TXNDC12: variants seen among roughly 807,000 people sequenced by gnomAD.
The protein encoded by TXNDC12 is thioredoxin domain containing 12, also known as thioredoxin domain-containing protein 12.
In TXNDC12, 22 loss-of-function variants were observed where a neutral mutation model predicts 24.2. The ratio of observed to expected loss-of-function variants is 0.91; its 90% CI spans 0.65 to 1.30. The LOEUF is 1.30. Among genes scored for constraint, TXNDC12 ranks in the 50% most tolerant of loss-of-function variants. The pLI is 0.00. For synonymous variants in TXNDC12, 58 were observed against 73.4 expected, an observed-to-expected ratio of 0.79 and a Z score of 1.07; for missense variants, 184 against 205.8, an observed-to-expected ratio of 0.89 and a Z score of 0.65.
rs74080700 is a variant in TXNDC12, at chr1:52,052,549, C to T, written c.97+2451G>A. Reference sequence around the variant, plus strand: ...GTGAGGAAACCCATAGGAGCCCATGCGGAAAGATCACATGGAGAGGTAACC... The same window carrying T: ...GTGAGGAAACCCATAGGAGCCCATGTGGAAAGATCACATGGAGAGGTAACC... On this transcript the variant is annotated intron_variant, in intron 1 of 6. Transcript: ENST00000371626. 1.2e-3 allele frequency: 209 copies of T among 169,312 alleles called. 1 individual carries two copies. The highest frequency in any genetic ancestry group is 4.1e-3 in the African/African-American group (171 of 41,638). The allele number at this position is 169,312 out of a possible 1,614,324, so 10.5% of individuals were successfully genotyped here. A position where few individuals can be genotyped will look rare whatever the true frequency, so the allele number is the denominator to read the frequency against.
At chr1:52,045,369 A>G (rs1226883294) in intron 1 of TXNDC12, among the ~76,000 whole-genome samples, 1 of 152,164 alleles carries the variant, frequency 6.6e-6, no homozygotes, top group Admixed American at 6.6e-5. Context: ...ACCCCACTCC[A>G]AAGTTCATAT....
intron 6 of TXNDC12, 37 bp downstream of exon 6, chr1:52,023,454 C>T (rs2124357176): frequency 1.9e-6 from 3 of 1,538,852 alleles, no homozygotes; most frequent in East Asian, 4.5e-5. Flanking sequence ...CTAGTTCAAT[C>T]TAGCAATAAT....
rs1685572536 is a variant in TXNDC12, at chr1:52,020,261, C to A, written c.*672G>T. 6.1e-6 allele frequency: 2 copies of A among 328,854 alleles called. No homozygotes were observed. The highest frequency in any genetic ancestry group is 4.2e-5 in the South Asian group (1 of 24,060). The allele number at this position is 328,854 out of a possible 1,614,324, so 20.4% of individuals were successfully genotyped here. A position where few individuals can be genotyped will look rare whatever the true frequency, so the allele number is the denominator to read the frequency against. ...CTAGGGCTTGAAGGTTTGAGTTTCT[C>A]CAACAGTAACAAGGGAAAGCATGCT... On this transcript the variant is annotated 3_prime_UTR_variant, in exon 7 of 7. Transcript: ENST00000371626.
chr1:52,029,031 A>C (rs374865985), intron 2 of TXNDC12, among the ~76,000 whole-genome samples: 10 of 152,200 alleles, frequency 6.6e-5, no homozygotes, highest in African/African-American at 2.4e-4. Context: ...GGGTGGCTGA[A>C]ATATGAGAAT....
At chr1:52,041,063 T>C (rs1490703653) in intron 2 of TXNDC12, among the ~76,000 whole-genome samples, 1 of 150,826 alleles carries the variant, frequency 6.6e-6, no homozygotes, top group Non-Finnish European at 1.5e-5. Flanking sequence ...CCGGGCGCGG[T>C]GGCTCACGCC....
At chr1:52,025,287 CG>C (rs1284614984) in intron 4 of TXNDC12, among the ~76,000 whole-genome samples, 1 of 151,492 alleles carries the variant, frequency 6.6e-6, no homozygotes, top group Non-Finnish European at 1.5e-5. Flanking sequence ...TGTGCGATCT[CG>C]GCCCACTGCA....
chr1:52,032,306 T>C (rs1351922947), intron 2 of TXNDC12: 1 of 1,006,436 alleles, frequency 9.9e-7, no homozygotes, highest in Non-Finnish European at 1.2e-6. Context: ...TGTAGAACTG[T>C]ACCATCTTCA....
In TXNDC12 at chr1:52,020,270, A is replaced by G; in HGVS notation, c.*663T>C. 2.9e-6 allele frequency: 1 copy of G among 348,998 alleles called. No individual in the cohort carries two copies. The highest frequency in any genetic ancestry group is 5.6e-6 in the Non-Finnish European group (1 of 177,294). 21.6% of individuals were successfully genotyped at this position (348,998 alleles called of 1,614,324 possible). A position where few individuals can be genotyped will look rare whatever the true frequency, so the allele number is the denominator to read the frequency against. On this transcript the variant is annotated 3_prime_UTR_variant, in exon 7 of 7. Coordinates refer to ENST00000371626, the MANE Select transcript of TXNDC12 (RefSeq NM_015913.4). Reference sequence around the variant, plus strand: ...GAAGGTTTGAGTTTCTCCAACAGTAACAAGGGAAAGCATGCTTCCACCTGG... The same window carrying G: ...GAAGGTTTGAGTTTCTCCAACAGTAGCAAGGGAAAGCATGCTTCCACCTGG...
chr1:52,027,286 C>A lies in TXNDC12; in HGVS notation c.274G>T (p.Val92Leu), dbSNP rs746198432. The change falls in exon 4 of 7, where the codon GTA becomes TTA. Residue 92 changes from valine to leucine, a missense_variant. Coordinates refer to ENST00000371626, the MANE Select transcript of TXNDC12 (RefSeq NM_015913.4). ...TCTCAAAGTCTTACCTCAAGATTTACCATAACAAAATTATGGGAGAGTTCT... is the reference window on the plus strand; with the variant it reads ...TCTCAAAGTCTTACCTCAAGATTTAACATAACAAAATTATGGGAGAGTTCT... ...ISELSHNFVM[V>L]NLEDEEEPKD... The A allele has an allele frequency of 1.4e-5, 22 of 1,611,768 alleles. No homozygotes were observed. In the Admixed American group the frequency reaches 1.8e-4, roughly 13 times the overall value.
intron 2 of TXNDC12, chr1:52,033,977 G>A: frequency 7.1e-7 from 1 of 1,417,362 alleles, no homozygotes; most frequent in South Asian, 1.6e-5. Context: ...AGTTATTTAT[G>A]CCAAATGTTA....
chr1:52,043,641 G>C (rs1218732227), intron 1 of TXNDC12, among the ~76,000 whole-genome samples: 2 of 152,126 alleles, frequency 1.3e-5, no homozygotes, highest in Non-Finnish European at 2.9e-5. Flanking sequence ...AAAAAACTTA[G>C]CATAGTGCTT....
At chr1:52,039,178 T>C (rs143197451) in intron 2 of TXNDC12, among the ~76,000 whole-genome samples, 3 of 148,784 alleles carry the variant, frequency 2.0e-5, no homozygotes, top group African/African-American at 7.4e-5. Flanking sequence ...TATCAAGCAA[T>C]TCAATTTTTT....
chr1:52,047,855 TGG>T (rs1184468501), intron 1 of TXNDC12, among the ~76,000 whole-genome samples: 2 of 152,178 alleles, frequency 1.3e-5, no homozygotes, highest in African/African-American at 4.8e-5. Flanking sequence ...CTCTTACCAC[TGG>T]GGGTATAATA....
chr1:52,025,416 C>T (rs974048751), intron 4 of TXNDC12, among the ~76,000 whole-genome samples: 11 of 152,138 alleles, frequency 7.2e-5, no homozygotes, highest in African/African-American at 2.7e-4. Context: ...GACGGGGTTT[C>T]ACCATGTTAG....
intron 1 of TXNDC12, among the ~76,000 whole-genome samples, chr1:52,053,053 G>A (rs928218254): frequency 3.3e-5 from 5 of 150,954 alleles, no homozygotes; most frequent in Admixed American, 2.6e-4. Context: ...AGATCAGCCT[G>A]GCCAACATGG....
At chr1:52,054,258 T>C (rs2809955) in intron 1 of TXNDC12, among the ~76,000 whole-genome samples, 139,984 of 151,846 alleles carry the variant, frequency 0.92, 65,385 homozygotes, top group Non-Finnish European at 1. Flanking sequence ...ATGCTACAAT[T>C]CATCTACTTA....
At chr1:52,028,301 G>A (rs753278402) in intron 3 of TXNDC12, among the ~76,000 whole-genome samples, 25 of 152,080 alleles carry the variant, frequency 1.6e-4, no homozygotes, top group Non-Finnish European at 2.4e-4. Context: ...GTCTCTGTCC[G>A]TACATTTCAG....
chr1:52,032,918 G>A (rs145860172), intron 2 of TXNDC12: 1 of 1,610,366 alleles, frequency 6.2e-7, no homozygotes, highest in African/African-American at 1.3e-5. Flanking sequence ...AATCCGGCCA[G>A]TACTTGACTC....
Position 52,033,788 on chromosome 1 carries a change from C to G in TXNDC12, c.159-5158G>C, listed in dbSNP as rs532957644. 3.2e-6 allele frequency: 5 copies of G among 1,540,326 alleles called. No homozygotes were observed. In the Admixed American group the frequency reaches 5.9e-5, roughly 18 times the overall value. On this transcript the variant is annotated intron_variant, in intron 2 of 6. Coordinates refer to ENST00000371626, the MANE Select transcript of TXNDC12 (RefSeq NM_015913.4). ...CTCTCAGGGAGCGACCATTGGCAAC[C>G]GCGCTGCGCCAACTTCCGGGTTGTA...
Sources: gnomAD v4.1 joint callset for allele counts (sites outside exome capture counted in the v4.1 genomes callset) on GRCh38, gnomAD v4.1.1 for gene constraint, MANE v1.5 for transcripts, NCBI Gene and HGNC (gene_info 2026-07-23, HGNC 2026-07-21) for gene names.